CFAP54: variants seen among roughly 807,000 people sequenced by gnomAD.
The protein encoded by CFAP54 is cilia and flagella associated protein 54, also known as cilia- and flagella-associated protein 54.
In CFAP54, 290 loss-of-function variants were observed where a neutral mutation model predicts 370.4. The ratio of observed to expected loss-of-function variants is 0.78; its 90% confidence interval spans 0.71 to 0.86. CFAP54 has a LOEUF of 0.86. CFAP54 is among the 40% of genes least tolerant of loss of function. The pLI, the probability that CFAP54 is intolerant of heterozygous loss-of-function variation, is 0.00. For missense variants in CFAP54, 3,399 were observed against 3,528.7 expected (o/e 0.96, Z 0.93); for synonymous variants, 1,206 against 1,236.5 (o/e 0.98, Z 0.52).
At chr12:96,513,887 A>G (rs1955202123) in intron 5 of CFAP54, among the ~76,000 whole-genome samples, 1 of 152,222 alleles carries the variant, frequency 6.6e-6, no homozygotes. Context: ...AATCGGGTGA[A>G]TGCACACTTA....
intron 9 of CFAP54, among the ~76,000 whole-genome samples, chr12:96,531,467 C>A (rs1425363839): frequency 6.6e-6 from 1 of 150,442 alleles, no homozygotes; most frequent in Admixed American, 6.7e-5. Flanking sequence ...TTTTAAATTT[C>A]TTTCCTTATA....
At chr12:96,493,489 T>C (rs558514843) in intron 1 of CFAP54, among the ~76,000 whole-genome samples, 1 of 152,324 alleles carries the variant, frequency 6.6e-6, no homozygotes, top group Non-Finnish European at 1.5e-5. Context: ...AAACATCAAT[T>C]ATGTGTATTT....
chr12:96,657,521 A>G (rs1006921642), intron 36 of CFAP54, among the ~76,000 whole-genome samples: 2 of 152,270 alleles, frequency 1.3e-5, no homozygotes, highest in African/African-American at 4.8e-5. Flanking sequence ...TGTGTTGTCC[A>G]ATATGGTAAA....
At chr12:96,698,796 T>C (rs1032888630) in intron 45 of CFAP54, among the ~76,000 whole-genome samples, 3 of 151,984 alleles carry the variant, frequency 2.0e-5, no homozygotes, top group African/African-American at 7.3e-5. Flanking sequence ...AACAAAGAAC[T>C]GGACAAAACG....
rs929485874 is a variant in CFAP54 at position 96,555,048 on chromosome 12, T to C, written c.2410+246T>C. On this transcript the variant is annotated intron_variant, in intron 17 of 67. Transcript: ENST00000524981. ...TTAATTATGTTTATTTGTGTTATAG[T>C]AAATTATTTTTTGTTAATTCAACCA... is the stretch of plus-strand genomic sequence containing the variant. The C allele has an allele frequency of 2.2e-5, 6 of 278,814 alleles. No homozygotes were observed. In the East Asian group the frequency reaches 3.5e-4, roughly 16 times the overall value. 17.3% of individuals were successfully genotyped at this position (278,814 alleles called of 1,614,324 possible).
At chr12:96,871,117 A>G (rs556365205) in intron 67 of CFAP54, among the ~76,000 whole-genome samples, 1 of 152,266 alleles carries the variant, frequency 6.6e-6, no homozygotes, top group Non-Finnish European at 1.5e-5. Context: ...CTGTGCACAA[A>G]TTCTCCTAAA....
In CFAP54 at chr12:96,621,715, A is replaced by G; in HGVS notation, c.3765A>G (p.Pro1255=). 13 of 1,523,394 alleles carry G rather than the reference A, an allele frequency of 8.5e-6. No homozygotes were observed. The highest frequency in any genetic ancestry group is 1.1e-5 in the Non-Finnish European group (12 of 1,140,628). The allele number at this position is 1,523,394 out of a possible 1,614,324, so 94.4% of individuals were successfully genotyped here. The part of the protein sequence containing the change: ...FDGSNEQEEM[P]EEDSSKKSLK... ...GTAGTAATGAACAAGAAGAAATGCC[A>G]GAGGAGGTAATTGTTTTTGTTTCTC... The change falls in exon 27 of 68, where the codon CCA becomes CCG. Residue 1255 remains proline (P), a synonymous_variant. Transcript: ENST00000524981.
chr12:96,830,031 G>A (rs905454867), intron 66 of CFAP54, among the ~76,000 whole-genome samples: 1 of 151,990 alleles, frequency 6.6e-6, no homozygotes, highest in Non-Finnish European at 1.5e-5. Context: ...AAAGTTATCC[G>A]TGTTGTAACA....
chr12:96,857,701 T>A lies in CFAP54; in HGVS notation c.9172-3118T>A, dbSNP rs552345921. ...CCATGCTGTTCTTGTGATAGTGAGT[T>A]CTCATGAGATCTGATAGTTTAAAAG... On this transcript the variant is annotated intron_variant, in intron 66 of 67. Transcript: ENST00000524981. Among the ~76,000 whole-genome samples the A allele has an allele frequency of 1.9e-4, 29 of 152,270 alleles. No homozygotes were observed. The South Asian group carries it at 6.0e-3, about 32-fold the overall frequency.
chr12:96,803,804 T>A (rs1474454677), intron 63 of CFAP54, among the ~76,000 whole-genome samples: 1 of 151,982 alleles, frequency 6.6e-6, no homozygotes, highest in Admixed American at 6.6e-5. Context: ...GATGCACATA[T>A]CAATGGAAGG....
chr12:96,615,955 C>A (rs575652857), intron 26 of CFAP54, among the ~76,000 whole-genome samples: 1 of 152,152 alleles, frequency 6.6e-6, no homozygotes, highest in South Asian at 2.1e-4. Context: ...GACAGTGTGG[C>A]GATTCCTCAG....
At chr12:96,804,253 ATT>A (rs1958853078) in intron 63 of CFAP54, among the ~76,000 whole-genome samples, 1 of 152,180 alleles carries the variant, frequency 6.6e-6, no homozygotes, top group African/African-American at 2.4e-5. Flanking sequence ...CATTTTCACC[ATT>A]CTTATTTAAG....
intron 48 of CFAP54, among the ~76,000 whole-genome samples, chr12:96,711,431 A>G (rs1176941479): frequency 6.6e-6 from 1 of 152,158 alleles, no homozygotes; most frequent in Non-Finnish European, 1.5e-5. Context: ...GAGTTGGGAA[A>G]AAGACTTAGA....
chr12:96,496,262 T>C (rs1434424003), intron 1 of CFAP54, among the ~76,000 whole-genome samples: 3 of 152,238 alleles, frequency 2.0e-5, no homozygotes, highest in Admixed American at 6.5e-5. Context: ...GTTTAGATGT[T>C]CCATTATTAC....
intron 60 of CFAP54, among the ~76,000 whole-genome samples, chr12:96,767,516 G>A (rs1363631807): frequency 1.3e-5 from 2 of 152,130 alleles, no homozygotes; most frequent in East Asian, 1.9e-4. Context: ...TTTTAACTAC[G>A]AAATTACCAA....
chr12:96,680,926 A>T (rs963877186), intron 40 of CFAP54, among the ~76,000 whole-genome samples: 2 of 152,204 alleles, frequency 1.3e-5, no homozygotes, highest in Non-Finnish European at 2.9e-5. Flanking sequence ...TCTACTAAAA[A>T]TACAAAAATT....
intron 66 of CFAP54, among the ~76,000 whole-genome samples, chr12:96,834,037 T>A (rs1959178559): frequency 6.6e-6 from 1 of 152,156 alleles, no homozygotes; most frequent in African/African-American, 2.4e-5. Flanking sequence ...ATGGGTCTGC[T>A]TAACTCTACA....
At chr12:96,821,702 TA>T (rs10577712) in intron 65 of CFAP54, among the ~76,000 whole-genome samples, 12,925 of 131,788 alleles carry the variant, frequency 0.098, 873 homozygotes, top group African/African-American at 0.21. Context: ...AGCACTTTAT[TA>T]AAAAAAAAAA....
chr12:96,607,950 A>G (rs1440043499), intron 26 of CFAP54, among the ~76,000 whole-genome samples: 2 of 152,232 alleles, frequency 1.3e-5, no homozygotes, highest in Non-Finnish European at 1.5e-5. Flanking sequence ...GCGGGCATTT[A>G]AAAAGTATTC....
Sources: allele counts gnomAD v4.1 joint callset (sites outside exome capture counted in the v4.1 genomes callset), GRCh38; gene constraint gnomAD v4.1.1; transcripts MANE v1.5; gene names NCBI Gene and HGNC (gene_info 2026-07-23, HGNC 2026-07-21).